PAPPA: variants seen among roughly 807,000 people sequenced by gnomAD.
PAPPA encodes pappalysin-1.
Under a neutral mutation model 164.0 loss-of-function variants are expected in PAPPA, and 60 were observed. The observed-to-expected ratio is 0.37, with a 90% CI of 0.30 to 0.45. The LOEUF (loss-of-function observed/expected upper bound fraction) is 0.45, where lower values mean the gene tolerates loss of function less well. Ranked by LOEUF, PAPPA falls within the 20% of genes least tolerant of loss-of-function variation. The pLI, the probability that PAPPA is intolerant of heterozygous loss-of-function variation, is 1.00. For synonymous variants in PAPPA, 875 were observed against 814.1 expected, an observed-to-expected ratio of 1.07 and a Z score of -1.27; for missense variants, 1,782 against 2,087.3, an observed-to-expected ratio of 0.85 and a Z score of 2.85.
chr9:116,331,662 G>GA (rs1458502364), intron 11 of PAPPA, among the ~76,000 whole-genome samples: 11 of 152,134 alleles, frequency 7.2e-5, no homozygotes, highest in African/African-American at 2.7e-4. Context: ...CTGATCACCA[G>GA]AAAAAGAAGT....
At chr9:116,207,419 G>C in intron 2 of PAPPA, 37 bp from the exon 3 acceptor site, 5 of 1,202,800 alleles carry the variant, frequency 4.2e-6, no homozygotes, top group Non-Finnish European at 2.2e-6. Flanking sequence ...ATCTTTTTGG[G>C]GGCATGATAA....
intron 10 of PAPPA, among the ~76,000 whole-genome samples, chr9:116,330,583 G>A (rs1845977767): frequency 6.6e-6 from 1 of 151,818 alleles, no homozygotes; most frequent in South Asian, 2.1e-4. Flanking sequence ...TACTATCATT[G>A]AGAATGAATT....
intron 7 of PAPPA, among the ~76,000 whole-genome samples, chr9:116,263,164 C>G (rs1845023325): frequency 6.6e-6 from 1 of 152,178 alleles, no homozygotes. Context: ...CACACACACA[C>G]AGCTAGAAGA....
At chr9:116,332,295 A>G in intron 11 of PAPPA, 38 bp from the exon 12 acceptor site, 1 of 1,584,636 alleles carries the variant, frequency 6.3e-7, no homozygotes, top group Non-Finnish European at 8.6e-7. Flanking sequence ...CACATGACTG[A>G]GTGCACATGT....
intron 7 of PAPPA, among the ~76,000 whole-genome samples, chr9:116,254,724 G>C (rs1844905821): frequency 6.8e-6 from 1 of 147,378 alleles, no homozygotes; most frequent in Admixed American, 6.9e-5. Context: ...GGAGCTTGCA[G>C]TGAGCCAAGA....
Position 116,352,993 on chromosome 9 carries a change from G to A in PAPPA, c.4175+77G>A, listed in dbSNP as rs998465777. ...GGTTCAAATGCCTGACTGGACGGAA[G>A]CACTCATTTCTTCACTGGAGGTAAT... On this transcript the variant is annotated intron_variant, in intron 16 of 21. Coordinates refer to ENST00000328252, the MANE Select transcript of PAPPA (RefSeq NM_002581.5). The A allele has an allele frequency of 1.1e-5, 12 of 1,064,554 alleles. No individual in the cohort carries two copies. The African/African-American group carries it at 1.3e-4, about 11-fold the overall frequency. 65.9% of individuals were successfully genotyped at this position (1,064,554 alleles called of 1,614,324 possible).
rs538970887 is a variant in PAPPA, at chr9:116,317,318, A to G, written c.3148-13926A>G. 3.4e-4 allele frequency among the ~76,000 whole-genome samples: 52 copies of G among 152,274 alleles called. 1 individual carries two copies. The South Asian group carries it at 0.01, about 30-fold the overall frequency. On this transcript the variant is annotated intron_variant, in intron 10 of 21. Transcript: ENST00000328252. ...GGCACCGAACTTGGATGTGATCATC[A>G]CTTTCCTGATTAACCCATGAATGCC...
chr9:116,359,237 C>A (rs1846391819), intron 17 of PAPPA, among the ~76,000 whole-genome samples: 1 of 152,178 alleles, frequency 6.6e-6, no homozygotes, highest in African/African-American at 2.4e-5. Flanking sequence ...AATTTCTACT[C>A]TACTGTATTG....
At chr9:116,223,481 A>G (rs1844469379) in intron 5 of PAPPA, among the ~76,000 whole-genome samples, 1 of 152,204 alleles carries the variant, frequency 6.6e-6, no homozygotes, top group South Asian at 2.1e-4. Context: ...CTTAGCTTCA[A>G]TCAATATGTT....
chr9:116,377,624 A>T lies in PAPPA; in HGVS notation c.4654A>T (p.Ile1552Phe). Residue 1552 changes from isoleucine to phenylalanine, a missense_variant, in exon 20 of 22, where the codon ATT (isoleucine) becomes TTT (phenylalanine). Physicochemically the swap from Ile to Phe is conservative, Grantham distance 21. Coordinates refer to ENST00000328252, the MANE Select transcript of PAPPA (RefSeq NM_002581.5). ...CAAGTGGTATCCTCACCCTGCTCTGATTCACTGTGTCAAAGGCTGTGAGGT... is the reference window on the plus strand; with the variant it reads ...CAAGTGGTATCCTCACCCTGCTCTGTTTCACTGTGTCAAAGGCTGTGAGGT... ...GLKWYPHPAL[I>F]HCVKGCEPFM... The T allele has an allele frequency of 6.2e-7, 1 of 1,613,750 alleles. No homozygotes were observed. The highest frequency in any genetic ancestry group is 8.5e-7 in the Non-Finnish European group (1 of 1,179,658).
intron 9 of PAPPA, among the ~76,000 whole-genome samples, chr9:116,289,359 C>CTAT (rs1292859964): frequency 4.8e-5 from 6 of 124,584 alleles, no homozygotes; most frequent in African/African-American, 1.2e-4. Flanking sequence ...ATATATATGG[C>CTAT]ATATATATGG....
chr9:116,237,518 G>A (rs1844682647), intron 7 of PAPPA, among the ~76,000 whole-genome samples: 1 of 152,114 alleles, frequency 6.6e-6, no homozygotes, highest in Admixed American at 6.5e-5. Flanking sequence ...AGCTGCCATG[G>A]GTTGATAAGT....
chr9:116,227,674 T>G, intron 6 of PAPPA, 122 bp downstream of exon 6: 1 of 1,067,316 alleles, frequency 9.4e-7, no homozygotes, highest in East Asian at 2.6e-5. Context: ...TTGAGTAACA[T>G]CATCCTGCAA....
At chr9:116,346,141 G>T (rs1006986989) in intron 14 of PAPPA, among the ~76,000 whole-genome samples, 1 of 152,056 alleles carries the variant, frequency 6.6e-6, no homozygotes, top group Non-Finnish European at 1.5e-5. Flanking sequence ...AATGTCCTTT[G>T]CTTTTAAAAT....
chr9:116,267,213 A>G (rs1159508310), intron 8 of PAPPA, among the ~76,000 whole-genome samples: 1 of 152,252 alleles, frequency 6.6e-6, no homozygotes, highest in Non-Finnish European at 1.5e-5. Context: ...GAGGGGAAGA[A>G]CAATTTAATT....
Position 116,154,454 on chromosome 9 carries a change from C to A in PAPPA, c.282C>A (p.Ser94Arg). The change falls in exon 1 of 22, where the codon AGC becomes AGA. Residue 94 changes from serine (S) to arginine (R), a missense_variant. Ser to Arg is a moderately radical substitution (Grantham distance 110). Around this residue, in one of 2 missense-constraint regions of PAPPA, gnomAD observed 458 missense variants for 430.3 expected, o/e 1.06. Coordinates refer to ENST00000328252, the MANE Select transcript of PAPPA (RefSeq NM_002581.5). This position sits in a 1 kb window ranked among gnomAD's most constrained non-coding sequence, Gnocchi z 5.2. ...CCACCGAGGAGCCGAGCCCGCCGAGCCGGGCGCTCTATTTCAGCGGGCGAG... is the reference window on the plus strand; with the variant it reads ...CCACCGAGGAGCCGAGCCCGCCGAGACGGGCGCTCTATTTCAGCGGGCGAG... ...RGATEEPSPP[S>R]RALYFSGRGE... 7.8e-7 allele frequency: 1 copy of A among 1,284,420 alleles called. No homozygotes were observed. Among genetic ancestry groups the A allele is most frequent in the Non-Finnish European group, 9.8e-7 (1 of 1,016,414 alleles). 79.6% of individuals were successfully genotyped at this position (1,284,420 alleles called of 1,614,324 possible). A position where few individuals can be genotyped will look rare whatever the true frequency, so the allele number is the denominator to read the frequency against.
At chr9:116,280,600 G>T (rs1845254503) in intron 9 of PAPPA, among the ~76,000 whole-genome samples, 1 of 152,192 alleles carries the variant, frequency 6.6e-6, no homozygotes, top group Admixed American at 6.5e-5. Context: ...GAGGACTGTG[G>T]TGAAGCTGCT....
At chr9:116,161,099 AGAAAGT>A (rs1298626345) in intron 1 of PAPPA, among the ~76,000 whole-genome samples, 2 of 152,210 alleles carry the variant, frequency 1.3e-5, no homozygotes, top group African/African-American at 2.4e-5. Context: ...AGGAGGAGCT[AGAAAGT>A]GAGAGATGTG....
At chr9:116,272,231 C>T (rs140944121) in intron 9 of PAPPA, among the ~76,000 whole-genome samples, 4 of 152,216 alleles carry the variant, frequency 2.6e-5, no homozygotes, top group Admixed American at 1.3e-4. Context: ...AGATGCAAAT[C>T]GATACCTGAA....
Sources: gnomAD v4.1 joint callset for allele counts (sites outside exome capture counted in the v4.1 genomes callset) on GRCh38, gnomAD v4.1.1 for gene constraint, gnomAD v4.1.1 regional missense constraint, Gnocchi (gnomAD v3.1) non-coding constraint, MANE v1.5 for transcripts, NCBI Gene and HGNC (gene_info 2026-07-23, HGNC 2026-07-21) for gene names.